CCDC106: variants seen among roughly 807,000 people sequenced by gnomAD.
CCDC106 encodes the protein coiled-coil domain-containing protein 106.
CCDC106 carries 17 observed loss-of-function variants against 24.7 expected under a neutral mutation model. The observed-to-expected ratio is 0.69, with a 90% CI of 0.47 to 1.03. CCDC106 has a LOEUF of 1.03. Among genes scored for constraint, CCDC106 ranks in the 50% least tolerant of loss-of-function variants. The pLI, the probability that CCDC106 is intolerant of heterozygous loss-of-function variation, is 0.00. For synonymous variants in CCDC106, 211 were observed against 161.3 expected (o/e 1.31, Z -2.34); for missense variants, 337 against 388.9 (o/e 0.87, Z 1.12).
rs1250765560 is a variant in CCDC106 at position 55,653,005 on chromosome 19, C to A, written c.*259C>A. On this transcript the variant is annotated 3_prime_UTR_variant, in exon 5 of 5. Coordinates refer to ENST00000586790, the MANE Select transcript of CCDC106 (RefSeq NM_001370470.1). ...CTGGAAAACCAGGCAGGCGGGTGCC[C>A]CCCCCTCGAGTGGGGGACTGTACAG... 4 of 492,714 alleles carry A rather than the reference C, an allele frequency of 8.1e-6. No individual in the cohort carries two copies. The highest frequency in any genetic ancestry group is 1.5e-5 in the Non-Finnish European group (4 of 275,564). 30.5% of individuals were successfully genotyped at this position (492,714 alleles called of 1,614,324 possible).
chr19:55,648,055 C>G (rs1449295726), upstream of CCDC106: 1 of 152,258 alleles, frequency 6.6e-6, no homozygotes, highest in Non-Finnish European at 1.5e-5. Context: ...CTCACCTGGA[C>G]CCGGGGACTC....
chr19:55,651,953 C>G (rs985651658), intron 4 of CCDC106, among the ~76,000 whole-genome samples: 3 of 152,116 alleles, frequency 2.0e-5, no homozygotes, highest in African/African-American at 7.2e-5. Flanking sequence ...TGAGCCACCG[C>G]GCATGGCCTG....
At chr19:55,647,504 T>G (rs1030259204), upstream of CCDC106, among the ~76,000 whole-genome samples, 1 of 152,222 alleles carries the variant, frequency 6.6e-6, no homozygotes, top group Non-Finnish European at 1.5e-5. Context: ...GGTGCTGGGC[T>G]GAGCTTCTGT....
At chr19:55,651,191 A>T in intron 3 of CCDC106, 92 bp from the exon 4 acceptor site, 1 of 978,702 alleles carries the variant, frequency 1.0e-6, no homozygotes, top group African/African-American at 1.6e-5. Context: ...AGGTTGGGGG[A>T]TCCAGTTCGG....
At chr19:55,650,714 C>A (rs982499668) in intron 3 of CCDC106, among the ~76,000 whole-genome samples, 1 of 152,198 alleles carries the variant, frequency 6.6e-6, no homozygotes. Context: ...CTCCTTTGCA[C>A]AGACAGTTTG....
At chr19:55,649,613 C>A in intron 3 of CCDC106, 29 bp downstream of exon 3, 1 of 1,597,582 alleles carries the variant, frequency 6.3e-7, no homozygotes, top group Non-Finnish European at 8.6e-7. Context: ...GATCCACATG[C>A]CTCCCTGTCC....
rs1037672950 is a variant in CCDC106, at chr19:55,651,537, G to T, written c.526+42G>T. 7 of 1,333,702 alleles carry T rather than the reference G, an allele frequency of 5.2e-6. No homozygotes were observed. The African/African-American group carries it at 7.3e-5, about 14-fold the overall frequency. The allele number at this position is 1,333,702 out of a possible 1,614,324, so 82.6% of individuals were successfully genotyped here. On this transcript the variant is annotated intron_variant, in intron 4 of 4. Transcript: ENST00000586790. ...GGGCGGGCGCTGAGGGGCCCGGGCT[G>T]CTGAATTGCTGTGTGTCCTTCCCAG... is the stretch of plus-strand genomic sequence containing the variant.
At position 55,649,268 on chromosome 19, in the gene CCDC106, A is replaced by C; in HGVS notation, c.95A>C (p.Gln32Pro). 1.2e-6 allele frequency: 2 copies of C among 1,614,100 alleles called. No homozygotes were observed. The highest frequency in any genetic ancestry group is 1.7e-6 in the Non-Finnish European group (2 of 1,179,980). ...PFDEAPHLDP[Q>P]IFYSLSPSRR... is the part of the protein sequence containing the mutation. ...GATGAGGCACCCCACCTAGACCCAC[A>C]GATCTTTTACAGTCTGAGCCCCTCT... is the stretch of plus-strand genomic sequence containing the variant. Residue 32 changes from glutamine (Q) to proline (P), a missense_variant, in exon 2 of 5, where the codon CAG becomes CCG. Transcript: ENST00000586790.
At position 55,652,819 on chromosome 19, in the gene CCDC106, C is replaced by T. The variant is rs535044078; in HGVS notation, c.*73C>T. The T allele has an allele frequency of 1.2e-5, 15 of 1,289,226 alleles. No homozygotes were observed. The African/African-American group carries it at 1.6e-4, about 14-fold the overall frequency. 79.9% of individuals were successfully genotyped at this position (1,289,226 alleles called of 1,614,324 possible). ...CCCCGGTGGATGACCTGCCCCTCTC[C>T]CCGCCGCGCCCCTGCCCCTCCTCCT... On this transcript the variant is annotated 3_prime_UTR_variant, in exon 5 of 5. Coordinates refer to ENST00000586790, the MANE Select transcript of CCDC106 (RefSeq NM_001370470.1). This position sits in a 1 kb window ranked among gnomAD's most constrained non-coding sequence, Gnocchi z 5.9.
chr19:55,652,402 C>CTT lies in CCDC106; in HGVS notation c.527-26_527-25dup. ...CCTCAGTCTTGTGCCCTGCCCCTCACTTTCGTGTCCCCGCCTCCACCCCTC... is the reference window on the plus strand; with the variant it reads ...CCTCAGTCTTGTGCCCTGCCCCTCACTTTTTCGTGTCCCCGCCTCCACCCCTC... On this transcript the variant is annotated intron_variant, in intron 4 of 4. Transcript: ENST00000586790. The surrounding 1 kb of genome is among the most constrained non-coding windows in gnomAD (Gnocchi z 5.9). 6.4e-7 allele frequency: 1 copy of CTT among 1,566,460 alleles called. No individual in the cohort carries two copies. The highest frequency in any genetic ancestry group is 8.7e-7 in the Non-Finnish European group (1 of 1,151,884).
rs1490871858 is a variant in CCDC106 at position 55,649,221 on chromosome 19, C to T, written c.48C>T (p.Thr16=). 6 of 1,613,882 alleles carry T rather than the reference C, an allele frequency of 3.7e-6. No homozygotes were observed. Among genetic ancestry groups the T allele is most frequent in the Middle Eastern group, 1.6e-4 (1 of 6,084 alleles). ...SRRRTMKDDE[T]FEISIPFDEA... ...CCTCTCCAGTGAAGGACGATGAGAC[C>T]TTCGAGATCTCCATTCCCTTCGATG... Residue 16 remains threonine (T), a synonymous_variant, in exon 2 of 5, where the codon ACC becomes ACT. Coordinates refer to ENST00000586790, the MANE Select transcript of CCDC106 (RefSeq NM_001370470.1).
Position 55,653,118 on chromosome 19 carries a change from T to A in CCDC106, c.*372T>A. The A allele has an allele frequency of 5.7e-6, 1 of 175,904 alleles. No individual in the cohort carries two copies. The highest frequency in any genetic ancestry group is 1.2e-5 in the Non-Finnish European group (1 of 83,698). The allele number at this position is 175,904 out of a possible 1,614,324, so 10.9% of individuals were successfully genotyped here. On this transcript the variant is annotated 3_prime_UTR_variant, in exon 5 of 5. Transcript: ENST00000586790. ...AACTCCGCGTGAGACAGAGAATTATTCAGATAATTTAAATTAAAAAACGAC... is the reference window on the plus strand; with the variant it reads ...AACTCCGCGTGAGACAGAGAATTATACAGATAATTTAAATTAAAAAACGAC...
chr19:55,650,670 T>C (rs1350968007), intron 3 of CCDC106, among the ~76,000 whole-genome samples: 2 of 152,180 alleles, frequency 1.3e-5, no homozygotes, highest in African/African-American at 2.4e-5. Flanking sequence ...TGCCACTGTC[T>C]CCTCTCACTG....
Position 55,652,246 on chromosome 19 carries a change from C to T in CCDC106, c.527-184C>T, listed in dbSNP as rs928498388. 6.6e-6 allele frequency among the ~76,000 whole-genome samples: 1 copy of T among 152,094 alleles called. No individual in the cohort carries two copies. The highest frequency in any genetic ancestry group is 6.5e-5 in the Admixed American group (1 of 15,278). ...TTCCCATTTCCCACTGGTCCAAGAT[C>T]TGGCTGCGATTCTTCCCCTCCTCTC... On this transcript the variant is annotated intron_variant, in intron 4 of 4. Transcript: ENST00000586790. This position sits in a 1 kb window ranked among gnomAD's most constrained non-coding sequence, Gnocchi z 5.9.
Position 55,649,219 on chromosome 19 carries a change from A to C in CCDC106, c.46A>C (p.Thr16Pro). ...SRRRTMKDDE[T>P]FEISIPFDEA... Reference sequence around the variant, plus strand: ...CTCCTCTCCAGTGAAGGACGATGAGACCTTCGAGATCTCCATTCCCTTCGA... The same window carrying C: ...CTCCTCTCCAGTGAAGGACGATGAGCCCTTCGAGATCTCCATTCCCTTCGA... The change falls in exon 2 of 5, where the codon ACC (threonine) becomes CCC (proline). Residue 16 changes from threonine (T) to proline (P), a missense_variant. Coordinates refer to ENST00000586790, the MANE Select transcript of CCDC106 (RefSeq NM_001370470.1). 1 of 1,613,608 alleles carries C rather than the reference A, an allele frequency of 6.2e-7. No individual in the cohort carries two copies. Among genetic ancestry groups the C allele is most frequent in the Non-Finnish European group, 8.5e-7 (1 of 1,179,634 alleles).
chr19:55,652,711 C>A lies in CCDC106; in HGVS notation c.808C>A (p.Leu270Met). 6.2e-7 allele frequency: 1 copy of A among 1,612,688 alleles called. No individual in the cohort carries two copies. Among genetic ancestry groups the A allele is most frequent in the South Asian group, 1.1e-5 (1 of 91,082 alleles). ...KKVQALKKSK[L>M]LLPITYRFKR is the part of the protein sequence containing the mutation. Reference sequence around the variant, plus strand: ...GGTGCAGGCGCTCAAGAAGAGCAAGCTGCTGCTGCCCATCACCTACCGCTT... The same window carrying A: ...GGTGCAGGCGCTCAAGAAGAGCAAGATGCTGCTGCCCATCACCTACCGCTT... The change falls in exon 5 of 5, where the codon CTG becomes ATG. Residue 270 changes from leucine (L) to methionine (M), a missense_variant. Coordinates refer to ENST00000586790, the MANE Select transcript of CCDC106 (RefSeq NM_001370470.1). This position sits in a 1 kb window ranked among gnomAD's most constrained non-coding sequence, Gnocchi z 5.9.
intron 4 of CCDC106, 90 bp downstream of exon 4, chr19:55,651,585 C>A: frequency 1.1e-6 from 1 of 904,406 alleles, no homozygotes; most frequent in South Asian, 1.8e-5. Flanking sequence ...CTCTCCAAGC[C>A]CCTCCAGCCT....
intron 3 of CCDC106, among the ~76,000 whole-genome samples, chr19:55,650,532 C>T (rs11665872): frequency 0.093 from 14,201 of 152,224 alleles, 879 homozygotes; most frequent in Middle Eastern, 0.19. Flanking sequence ...GTGAATTCAA[C>T]CCTTTCCCCA....
chr19:55,652,328 T>TCGC lies in CCDC106; in HGVS notation c.527-99_527-97dup. 9.6e-7 allele frequency: 1 copy of TCGC among 1,040,054 alleles called. No individual in the cohort carries two copies. The highest frequency in any genetic ancestry group is 1.4e-6 in the Non-Finnish European group (1 of 709,072). The allele number at this position is 1,040,054 out of a possible 1,614,324, so 64.4% of individuals were successfully genotyped here. A position where few individuals can be genotyped will look rare whatever the true frequency, so the allele number is the denominator to read the frequency against. ...CACCTGCACCGGCCCGTGCCTCTGC[T>TCGC]CGCCGAGATCCTTTCTTCCCATGGC... On this transcript the variant is annotated intron_variant, in intron 4 of 4. Transcript: ENST00000586790. The surrounding 1 kb of genome is among the most constrained non-coding windows in gnomAD (Gnocchi z 5.9).
Sources: gnomAD v4.1 joint callset for allele counts (sites outside exome capture counted in the v4.1 genomes callset) on GRCh38, gnomAD v4.1.1 for gene constraint, Gnocchi (gnomAD v3.1) non-coding constraint, MANE v1.5 for transcripts, NCBI Gene and HGNC (gene_info 2026-07-23, HGNC 2026-07-21) for gene names.